Variants in SPAG17 observed in about 807,000 individuals in gnomAD.
The protein encoded by SPAG17 is sperm associated antigen 17.
SPAG17 carries 169 observed loss-of-function variants against 273.6 expected under a neutral mutation model. That is an observed-to-expected ratio of 0.62 (90% CI 0.55 to 0.70). The LOEUF (loss-of-function observed/expected upper bound fraction) is 0.70. SPAG17 is among the 30% of genes least tolerant of loss of function. The pLI is 0.00. For missense variants in SPAG17, 2,557 were observed against 2,627.8 expected (o/e 0.97, Z 0.59); for synonymous variants, 825 against 873.2 (o/e 0.94, Z 0.97).
rs140075949 is a variant in SPAG17, at chr1:117,990,735, G to A, written c.5521+126C>T. The A allele has an allele frequency of 1.0e-3, 596 of 569,406 alleles. No homozygotes were observed. The African/African-American group carries it at 0.011, about 10-fold the overall frequency. 35.3% of individuals were successfully genotyped at this position (569,406 alleles called of 1,614,324 possible). A position where few individuals can be genotyped will look rare whatever the true frequency, so the allele number is the denominator to read the frequency against. On this transcript the variant is annotated intron_variant, in intron 38 of 48. Transcript: ENST00000336338. ...TAAACCACCACAACACAACATGGCC[G>A]ATACAAGAATGGAGATATGTACATG...
In SPAG17 at chr1:118,031,836, C is replaced by A; in HGVS notation, c.3465G>T (p.Leu1155Phe). Reference protein sequence around the residue: ...EDKDPDLETILNIPSALTPTV... With the variant: ...EDKDPDLETIFNIPSALTPTV... ...TTGGAGTGAGTGCTGAAGGGATATT[C>A]AATATTGTTTCTAAATCAGGATCCT... Residue 1155 changes from leucine (L) to phenylalanine (F), a missense_variant, in exon 25 of 49, where the codon TTG becomes TTT. Coordinates refer to ENST00000336338, the MANE Select transcript of SPAG17 (RefSeq NM_206996.4). 1 of 1,606,662 alleles carries A rather than the reference C, an allele frequency of 6.2e-7. No homozygotes were observed. The highest frequency in any genetic ancestry group is 8.5e-7 in the Non-Finnish European group (1 of 1,176,290).
chr1:118,074,483 C>A, intron 16 of SPAG17, 56 bp downstream of exon 16: 1 of 1,426,852 alleles, frequency 7.0e-7, no homozygotes, highest in South Asian at 1.1e-5. Context: ...TACTCCAAGT[C>A]ATGGTTTTTC....
At chr1:118,018,385 C>A (rs1364550118) in intron 28 of SPAG17, among the ~76,000 whole-genome samples, 2 of 152,138 alleles carry the variant, frequency 1.3e-5, no homozygotes, top group Non-Finnish European at 2.9e-5. Flanking sequence ...TGTATAACCA[C>A]AAGTAGATCC....
chr1:118,096,045 G>A (rs1005612143), intron 7 of SPAG17, among the ~76,000 whole-genome samples: 2 of 152,164 alleles, frequency 1.3e-5, no homozygotes, highest in African/African-American at 4.8e-5. Context: ...AGAGAACAAG[G>A]CTGAGATTCA....
chr1:118,180,053 T>C (rs1327865279), intron 1 of SPAG17, among the ~76,000 whole-genome samples: 1 of 151,996 alleles, frequency 6.6e-6, no homozygotes, highest in Admixed American at 6.6e-5. Flanking sequence ...AAAAAACTAA[T>C]AGTAGAACTA....
At chr1:118,108,080 T>C (rs1478249081) in intron 4 of SPAG17, among the ~76,000 whole-genome samples, 3 of 152,162 alleles carry the variant, frequency 2.0e-5, no homozygotes, top group African/African-American at 7.2e-5. Context: ...TGGTGGATTT[T>C]TGAACATGTT....
At position 118,074,504 on chromosome 1, in the gene SPAG17, T is replaced by C. The variant is rs775991906; in HGVS notation, c.2271+35A>G. The C allele has an allele frequency of 5.8e-6, 9 of 1,557,840 alleles. No individual in the cohort carries two copies. The East Asian group carries it at 1.6e-4, about 27-fold the overall frequency. The stretch of plus-strand genomic sequence containing the variant: ...AAGTCATGGTTTTTCTCAGATCATC[T>C]TGTCATCTACATTTTCAGAAAAATA... On this transcript the variant is annotated intron_variant, in intron 16 of 48. Transcript: ENST00000336338.
intron 1 of SPAG17, among the ~76,000 whole-genome samples, chr1:118,156,332 T>G (rs926167828): frequency 3.3e-5 from 5 of 152,204 alleles, no homozygotes; most frequent in Non-Finnish European, 7.3e-5. Flanking sequence ...CATAAATATC[T>G]GTTGGCTGAT....
At chr1:118,161,056 TATTAC>T (rs1214799460) in intron 1 of SPAG17, among the ~76,000 whole-genome samples, 1 of 152,252 alleles carries the variant, frequency 6.6e-6, no homozygotes, top group African/African-American at 2.4e-5. Flanking sequence ...AACAAGCATT[TATTAC>T]ATTAGTATGA....
At chr1:118,011,673 T>A (rs977916063) in intron 30 of SPAG17, among the ~76,000 whole-genome samples, 1 of 152,038 alleles carries the variant, frequency 6.6e-6, no homozygotes, top group Non-Finnish European at 1.5e-5. Context: ...TTACATGAAT[T>A]TGGCTATATT....
At chr1:118,007,342 T>G (rs1658999357) in intron 31 of SPAG17, among the ~76,000 whole-genome samples, 1 of 152,224 alleles carries the variant, frequency 6.6e-6, no homozygotes, top group Non-Finnish European at 1.5e-5. Flanking sequence ...GATCTTTGTC[T>G]ATCATCTTCT....
At chr1:118,175,037 TTTA>T (rs1448007116) in intron 1 of SPAG17, among the ~76,000 whole-genome samples, 3 of 151,994 alleles carry the variant, frequency 2.0e-5, no homozygotes, top group Non-Finnish European at 4.4e-5. Context: ...TATTTATTTA[TTTA>T]TTTATTTTGA....
At chr1:118,144,119 T>G (rs1658836044) in intron 3 of SPAG17, among the ~76,000 whole-genome samples, 1 of 152,238 alleles carries the variant, frequency 6.6e-6, no homozygotes, top group Non-Finnish European at 1.5e-5. Context: ...TGTTTTTGAA[T>G]GCCTTTACTT....
chr1:117,962,293 T>C (rs554261688), intron 48 of SPAG17: 6 of 152,288 alleles, frequency 3.9e-5, no homozygotes, highest in African/African-American at 1.4e-4. Flanking sequence ...TTAAGGTCAA[T>C]AGGTGCATTA....
In SPAG17 at chr1:118,104,151, A is replaced by G. The variant is rs943302374; in HGVS notation, c.448-2225T>C. 3.3e-5 allele frequency among the ~76,000 whole-genome samples: 5 copies of G among 152,358 alleles called. 1 individual carries two copies. The highest frequency in any genetic ancestry group is 1.2e-4 in the African/African-American group (5 of 41,592). On this transcript the variant is annotated intron_variant, in intron 4 of 48. Coordinates refer to ENST00000336338, the MANE Select transcript of SPAG17 (RefSeq NM_206996.4). ...AGGAAACTCTCGCAATAGTCCAGAGAAAACCCAATAGTGACTTAGATTAAA... is the reference window on the plus strand; with the variant it reads ...AGGAAACTCTCGCAATAGTCCAGAGGAAACCCAATAGTGACTTAGATTAAA...
rs150579199 is a variant in SPAG17, at chr1:118,110,844, C to T, written c.447+4466G>A. Among the ~76,000 whole-genome samples the T allele has an allele frequency of 4.6e-5, 7 of 152,296 alleles. No homozygotes were observed. In the East Asian group the frequency reaches 1.3e-3, roughly 29 times the overall value. ...GTGCCATTTCATAATTATTGAGACA[C>T]ACTTAGGAAGGATATGTATGGGGGT... On this transcript the variant is annotated intron_variant, in intron 4 of 48. Coordinates refer to ENST00000336338, the MANE Select transcript of SPAG17 (RefSeq NM_206996.4).
chr1:118,086,327 A>G (rs534937135), intron 12 of SPAG17, among the ~76,000 whole-genome samples: 1 of 152,296 alleles, frequency 6.6e-6, no homozygotes, highest in Admixed American at 6.5e-5. Context: ...TCTCATATAT[A>G]TTCATCTCTC....
intron 1 of SPAG17, among the ~76,000 whole-genome samples, chr1:118,165,551 T>C (rs1164712189): frequency 6.6e-6 from 1 of 151,518 alleles, no homozygotes; most frequent in Non-Finnish European, 1.5e-5. Context: ...ATTCATAAGA[T>C]ATGCATGGCA....
chr1:118,104,515 A>T (rs558278449), intron 4 of SPAG17, among the ~76,000 whole-genome samples: 325 of 152,374 alleles, frequency 2.1e-3, no homozygotes, highest in African/African-American at 7.5e-3. Context: ...CAAATAGTAG[A>T]TAATCGCATG....
Sources: gnomAD v4.1 joint callset for allele counts (sites outside exome capture counted in the v4.1 genomes callset) on GRCh38, gnomAD v4.1.1 for gene constraint, MANE v1.5 for transcripts, NCBI Gene and HGNC (gene_info 2026-07-23, HGNC 2026-07-21) for gene names.